The following DRC8 variants were observed in gnomAD, a reference collection of about 807,000 sequenced individuals.
DRC8 encodes dynein regulatory complex subunit 8.
chr1:244,970,879 C>T, the DRC8 span: 2 of 214,362 alleles, frequency 9.3e-6, no homozygotes, highest in Non-Finnish European at 1.8e-5. Context: ...TTCACGGTCG[C>T]GGGGAAGCCG....
the DRC8 span, among the ~76,000 whole-genome samples, chr1:245,105,633 A>AC: frequency 6.9e-5 from 10 of 144,062 alleles, no homozygotes; most frequent in Admixed American, 1.4e-4. Flanking sequence ...AAAAAAAAAA[A>AC]AAAAACAAAA....
At chr1:245,009,767 C>T in the DRC8 span, among the ~76,000 whole-genome samples, 1 of 151,710 alleles carries the variant, frequency 6.6e-6, no homozygotes, top group Non-Finnish European at 1.5e-5. Context: ...GCGCCCAGCC[C>T]CCCAAATGAT....
At chr1:245,092,355 C>T in the DRC8 span, among the ~76,000 whole-genome samples, 1 of 152,170 alleles carries the variant, frequency 6.6e-6, no homozygotes, top group Non-Finnish European at 1.5e-5. Context: ...ATCTCTCTCT[C>T]CTAGTTTCCT....
At chr1:245,021,551 T>C in the DRC8 span, among the ~76,000 whole-genome samples, 9 of 152,184 alleles carry the variant, frequency 5.9e-5, no homozygotes, top group African/African-American at 1.9e-4. Flanking sequence ...TTCTCCTGCA[T>C]TGGCCTCCCA....
the DRC8 span, among the ~76,000 whole-genome samples, chr1:245,002,693 G>T: frequency 7.4e-4 from 112 of 151,480 alleles, 1 homozygote; most frequent in African/African-American, 2.6e-3. Flanking sequence ...TAATTTTTGT[G>T]TTTTTTTGTA....
chr1:245,001,607 T>C, the DRC8 span, among the ~76,000 whole-genome samples: 1 of 152,196 alleles, frequency 6.6e-6, no homozygotes, highest in African/African-American at 2.4e-5. Flanking sequence ...TTTTCCTGTG[T>C]CTTGCTCCTG....
chr1:244,979,536 C>A, the DRC8 span, among the ~76,000 whole-genome samples: 1 of 151,758 alleles, frequency 6.6e-6, no homozygotes, highest in Non-Finnish European at 1.5e-5. Flanking sequence ...GAACTCCTGA[C>A]CTCAAATGAT....
At chr1:245,014,031 C>CAAAAAAAAAAAAAA in the DRC8 span, among the ~76,000 whole-genome samples, 1 of 93,128 alleles carries the variant, frequency 1.1e-5, no homozygotes, top group Non-Finnish European at 1.9e-5. Flanking sequence ...GACTCCATCT[C>CAAAAAAAAAAAAAA]AAAAAAAAAA....
chr1:244,992,245 G>A, the DRC8 span, among the ~76,000 whole-genome samples: 299 of 152,286 alleles, frequency 2.0e-3, 2 homozygotes, highest in Middle Eastern at 6.8e-3. Context: ...TTCCCTTAAA[G>A]TATAGACAAC....
the DRC8 span, among the ~76,000 whole-genome samples, chr1:245,002,888 C>A: frequency 6.6e-6 from 1 of 152,066 alleles, no homozygotes; most frequent in Non-Finnish European, 1.5e-5. Context: ...GCCGCCACCA[C>A]CATCCAACTT....
At chr1:245,011,141 T>C in the DRC8 span, among the ~76,000 whole-genome samples, 1 of 152,136 alleles carries the variant, frequency 6.6e-6, no homozygotes, top group African/African-American at 2.4e-5. Context: ...CCTATAGACA[T>C]AGCCTGAAGG....
At chr1:245,054,310 A>G in the DRC8 span, among the ~76,000 whole-genome samples, 1 of 151,852 alleles carries the variant, frequency 6.6e-6, no homozygotes, top group African/African-American at 2.4e-5. Context: ...CCTCAGCCTC[A>G]TGAGTAGCTG....
chr1:245,046,268 TTTC>T, the DRC8 span, among the ~76,000 whole-genome samples: 4 of 152,196 alleles, frequency 2.6e-5, no homozygotes, highest in African/African-American at 9.7e-5. Flanking sequence ...CTCCTGTAAC[TTTC>T]TTTTCACTTA....
At chr1:245,084,973 A>T in the DRC8 span, among the ~76,000 whole-genome samples, 1 of 152,226 alleles carries the variant, frequency 6.6e-6, no homozygotes, top group African/African-American at 2.4e-5. Context: ...CAGCTTCTTC[A>T]TCCTGAGGAT....
the DRC8 span, among the ~76,000 whole-genome samples, chr1:245,100,823 C>T: frequency 7.1e-6 from 1 of 140,862 alleles, no homozygotes; most frequent in Non-Finnish European, 1.6e-5. Context: ...ATAAATACTT[C>T]ACAGTTTGAA....
At chr1:245,095,803 A>G in the DRC8 span, among the ~76,000 whole-genome samples, 2 of 152,170 alleles carry the variant, frequency 1.3e-5, no homozygotes, top group Admixed American at 1.3e-4. Context: ...CACTTAGAAT[A>G]CATTCCGAAA....
At chr1:245,038,417 C>T in the DRC8 span, among the ~76,000 whole-genome samples, 1 of 152,174 alleles carries the variant, frequency 6.6e-6, no homozygotes, top group African/African-American at 2.4e-5. Flanking sequence ...TTGCAGTGAG[C>T]TGAGACCGTG....
At chr1:244,979,219 C>T in the DRC8 span, among the ~76,000 whole-genome samples, 1 of 150,048 alleles carries the variant, frequency 6.7e-6, no homozygotes, top group South Asian at 2.1e-4. Flanking sequence ...ATACCCAGAG[C>T]ATGGCATATA....
the DRC8 span, among the ~76,000 whole-genome samples, chr1:245,114,906 A>G: frequency 6.6e-6 from 1 of 151,552 alleles, no homozygotes; most frequent in Non-Finnish European, 1.5e-5. Context: ...TTGTATTTTT[A>G]GTAGAGATGG....
Sources: gnomAD v4.1 joint callset for allele counts (sites outside exome capture counted in the v4.1 genomes callset) on GRCh38, gnomAD v4.1.1 for gene constraint, MANE v1.5 for transcripts, NCBI Gene and HGNC (gene_info 2026-07-23, HGNC 2026-07-21) for gene names.